Variants in MAML3 observed in about 807,000 individuals in gnomAD.
The protein encoded by MAML3 is mastermind-like protein 3.
Under a neutral mutation model 101.9 loss-of-function variants are expected in MAML3, and 27 were observed. The observed-to-expected ratio is 0.27, with a 90% CI of 0.20 to 0.37. The LOEUF (loss-of-function observed/expected upper bound fraction) is 0.37, where lower values mean the gene tolerates loss of function less well. Ranked by LOEUF, MAML3 falls within the 10% of genes least tolerant of loss-of-function variation. The pLI is 1.00. For synonymous variants in MAML3, 501 were observed against 555.9 expected, an observed-to-expected ratio of 0.90 and a Z score of 1.39; for missense variants, 1,316 against 1,444.9, an observed-to-expected ratio of 0.91 and a Z score of 1.45.
At chr4:139,937,680 G>A (rs537098710) in intron 1 of MAML3, among the ~76,000 whole-genome samples, 2 of 152,204 alleles carry the variant, frequency 1.3e-5, no homozygotes, top group East Asian at 3.9e-4. Context: ...GAGCCACTGC[G>A]CCTGGCCAGC....
chr4:140,119,487 T>A (rs1224920493), intron 1 of MAML3, among the ~76,000 whole-genome samples: 1 of 152,152 alleles, frequency 6.6e-6, no homozygotes, highest in Non-Finnish European at 1.5e-5. Flanking sequence ...CTAAATACAG[T>A]CATTACAGAC....
intron 1 of MAML3, among the ~76,000 whole-genome samples, chr4:139,960,329 TG>T (rs758656107): frequency 1.6e-4 from 25 of 152,324 alleles, no homozygotes; most frequent in Admixed American, 3.3e-4. Flanking sequence ...AAAAGATAAT[TG>T]GCTTCAGCAT....
intron 2 of MAML3, among the ~76,000 whole-genome samples, chr4:139,806,191 C>T (rs931502229): frequency 1.3e-5 from 2 of 151,876 alleles, no homozygotes; most frequent in Non-Finnish European, 2.9e-5. Flanking sequence ...CATTAAAAAC[C>T]CTTAAAAATT....
chr4:139,756,576 T>C (rs180908724), intron 2 of MAML3, among the ~76,000 whole-genome samples: 4 of 152,268 alleles, frequency 2.6e-5, no homozygotes, highest in African/African-American at 9.6e-5. Flanking sequence ...CTTGGAGAAG[T>C]TGGTGTGCAA....
chr4:139,824,546 T>C (rs952261196), intron 2 of MAML3, among the ~76,000 whole-genome samples: 1 of 152,172 alleles, frequency 6.6e-6, no homozygotes, highest in Non-Finnish European at 1.5e-5. Context: ...TATTAGAAGA[T>C]GGGAAAGGAC....
intron 1 of MAML3, among the ~76,000 whole-genome samples, chr4:140,021,168 A>G (rs1304414397): frequency 1.3e-5 from 2 of 152,204 alleles, no homozygotes; most frequent in Non-Finnish European, 2.9e-5. Context: ...ACTTACAAAT[A>G]TGTGTGTTAT....
At chr4:139,978,656 T>G (rs1431850998) in intron 1 of MAML3, among the ~76,000 whole-genome samples, 3 of 147,626 alleles carry the variant, frequency 2.0e-5, no homozygotes, top group South Asian at 4.4e-4. Context: ...CGCTAGGCAT[T>G]CACAACATTC....
At chr4:139,756,068 C>A (rs904981651) in intron 2 of MAML3, among the ~76,000 whole-genome samples, 1 of 152,084 alleles carries the variant, frequency 6.6e-6, no homozygotes, top group African/African-American at 2.4e-5. Flanking sequence ...AGGAAAGCGG[C>A]ACATAGTAGA....
intron 1 of MAML3, among the ~76,000 whole-genome samples, chr4:139,943,868 T>TTTTTTTTTTTTTTTTTTA (rs1733654110): frequency 8.1e-6 from 1 of 123,030 alleles, no homozygotes; most frequent in Non-Finnish European, 1.6e-5. Flanking sequence ...AGACAACTTT[T>TTTTTTTTTTTTTTTTTTA]TTTTTTTTTT....
chr4:139,821,162 A>C (rs1426063889), intron 2 of MAML3, among the ~76,000 whole-genome samples: 1 of 152,150 alleles, frequency 6.6e-6, no homozygotes, highest in South Asian at 2.1e-4. Context: ...GTTTCCATTC[A>C]AATTAATTAG....
At chr4:139,857,099 G>A (rs1181601008) in intron 2 of MAML3, among the ~76,000 whole-genome samples, 1 of 152,144 alleles carries the variant, frequency 6.6e-6, no homozygotes, top group African/African-American at 2.4e-5. Flanking sequence ...AAATATCAGC[G>A]ACATTAAACA....
At chr4:140,147,134 A>T (rs1193113376) in intron 1 of MAML3, among the ~76,000 whole-genome samples, 1 of 786 alleles carries the variant, frequency 1.3e-3, no homozygotes, top group Non-Finnish European at 4.9e-3. Flanking sequence ...TCCATCTCAA[A>T]AAAAAAAAAA....
chr4:139,929,232 AC>A (rs1733330266), intron 1 of MAML3, among the ~76,000 whole-genome samples: 1 of 152,236 alleles, frequency 6.6e-6, no homozygotes, highest in Admixed American at 6.5e-5. Flanking sequence ...CAGTGCTGTT[AC>A]TTTTTAGCAG....
intron 1 of MAML3, among the ~76,000 whole-genome samples, chr4:140,045,499 C>A (rs1727168652): frequency 6.7e-6 from 1 of 149,000 alleles, no homozygotes; most frequent in Non-Finnish European, 1.5e-5. Flanking sequence ...GACTTTTTTT[C>A]AATCTAAAAT....
chr4:139,786,173 T>C (rs920374206), intron 2 of MAML3, among the ~76,000 whole-genome samples: 1 of 152,000 alleles, frequency 6.6e-6, no homozygotes, highest in Admixed American at 6.6e-5. Flanking sequence ...GCAGAGGCCT[T>C]CAGAAGAAAC....
At chr4:140,114,151 GC>G (rs1486172304) in intron 1 of MAML3, among the ~76,000 whole-genome samples, 1 of 152,120 alleles carries the variant, frequency 6.6e-6, no homozygotes. Flanking sequence ...TGCGAAATAT[GC>G]CCCTTCCCTG....
chr4:139,775,757 T>C (rs747629999), intron 2 of MAML3, among the ~76,000 whole-genome samples: 3 of 152,192 alleles, frequency 2.0e-5, no homozygotes, highest in South Asian at 4.1e-4. Flanking sequence ...GTTGCTATCA[T>C]CTGCTGACAG....
chr4:139,727,044 G>GAAC (rs1728502795), intron 3 of MAML3, among the ~76,000 whole-genome samples: 1 of 152,098 alleles, frequency 6.6e-6, no homozygotes, highest in South Asian at 2.1e-4. Flanking sequence ...CTGTTCTTTA[G>GAAC]AGTGTTCATT....
chr4:139,811,437 G>C (rs1042008123), intron 2 of MAML3, among the ~76,000 whole-genome samples: 9 of 152,174 alleles, frequency 5.9e-5, no homozygotes, highest in Non-Finnish European at 1.3e-4. Flanking sequence ...CAGAATCCAG[G>C]GAATTGGTTG....
Sources: allele counts gnomAD v4.1 joint callset (sites outside exome capture counted in the v4.1 genomes callset), GRCh38; gene constraint gnomAD v4.1.1; transcripts MANE v1.5; gene names NCBI Gene and HGNC (gene_info 2026-07-23, HGNC 2026-07-21).